Variants in ZFYVE28 observed in about 807,000 individuals in gnomAD.
The protein encoded by ZFYVE28 is zinc finger FYVE-type containing 28.
A neutral mutation model predicts 82.1 loss-of-function variants in ZFYVE28; 40 were observed. The ratio of observed to expected loss-of-function variants is 0.49; its 90% CI spans 0.38 to 0.63. The LOEUF is 0.63. Ranked by LOEUF, ZFYVE28 falls within the 30% of genes least tolerant of loss-of-function variation. The probability of loss-of-function intolerance (pLI) is 0.00; values close to 1 mark genes in which losing one functional copy is unlikely to be tolerated. For missense variants in ZFYVE28, 1,321 were observed against 1,242.1 expected, an observed-to-expected ratio of 1.06 and a Z score of -0.96; for synonymous variants, 612 against 546.1, an observed-to-expected ratio of 1.12 and a Z score of -1.68.
Position 2,300,563 on chromosome 4 carries a change from C to G in ZFYVE28, c.2051+3726G>C, listed in dbSNP as rs532468247. Among the ~76,000 whole-genome samples, 51 of 152,134 alleles carry G rather than the reference C, an allele frequency of 3.4e-4. No individual in the cohort carries two copies. Among genetic ancestry groups the G allele is most frequent in the Admixed American group, 3.2e-3 (49 of 15,278 alleles). On this transcript the variant is annotated intron_variant, in intron 8 of 12. Coordinates refer to ENST00000290974, the MANE Select transcript of ZFYVE28 (RefSeq NM_020972.3). This position sits in a 1 kb window ranked among gnomAD's most constrained non-coding sequence, Gnocchi z 4.6. ...GGGCTCCTCCTGGCTGGGACCCTCACGCCAGGACTCCAGTGGGCCATGTGC... is the reference window on the plus strand; with the variant it reads ...GGGCTCCTCCTGGCTGGGACCCTCAGGCCAGGACTCCAGTGGGCCATGTGC...
Position 2,318,301 on chromosome 4 carries a change from T to C in ZFYVE28, c.803+1869A>G, listed in dbSNP as rs550412223. Among the ~76,000 whole-genome samples, 730 of 152,298 alleles carry C rather than the reference T, an allele frequency of 4.8e-3. 12 individuals are homozygous for C. The highest frequency in any genetic ancestry group is 0.016 in the African/African-American group (685 of 41,576). On this transcript the variant is annotated intron_variant, in intron 7 of 12. Transcript: ENST00000290974. Reference sequence around the variant, plus strand: ...GGCTGGTCGCAGTGGCTCACGCCTGTAATCCCAGCACTTTGGGAGGCCGAG... The same window carrying C: ...GGCTGGTCGCAGTGGCTCACGCCTGCAATCCCAGCACTTTGGGAGGCCGAG...
intron 7 of ZFYVE28, among the ~76,000 whole-genome samples, chr4:2,310,041 T>C (rs192164248): frequency 6.7e-6 from 1 of 149,806 alleles, no homozygotes; most frequent in African/African-American, 2.4e-5. Context: ...AATACATTTC[T>C]TTTTTTTTTA....
chr4:2,371,154 G>C lies in ZFYVE28; in HGVS notation c.40-17081C>G, dbSNP rs967529509. Among the ~76,000 whole-genome samples, 11 of 152,188 alleles carry C rather than the reference G, an allele frequency of 7.2e-5. 1 individual carries two copies. Among genetic ancestry groups the C allele is most frequent in the Admixed American group, 2.0e-4 (3 of 15,280 alleles). ...GGGAGCTCACGTGGGGGCTGAGTGG[G>C]GAAGCAAGCAGACAGGGGATGGGGT... On this transcript the variant is annotated intron_variant, in intron 1 of 12. Coordinates refer to ENST00000290974, the MANE Select transcript of ZFYVE28 (RefSeq NM_020972.3).
chr4:2,278,900 C>T (rs1012487754), intron 8 of ZFYVE28, among the ~76,000 whole-genome samples: 1 of 150,908 alleles, frequency 6.6e-6, no homozygotes, highest in Non-Finnish European at 1.5e-5. Context: ...AATTAAATAC[C>T]ATTTTATCTA....
intron 1 of ZFYVE28, among the ~76,000 whole-genome samples, chr4:2,360,212 C>G (rs1725931101): frequency 6.6e-6 from 1 of 151,858 alleles, no homozygotes; most frequent in African/African-American, 2.4e-5. Flanking sequence ...CCACGAGGAA[C>G]AACACTCACC....
intron 1 of ZFYVE28, among the ~76,000 whole-genome samples, chr4:2,405,552 C>A (rs1731789908): frequency 6.6e-6 from 1 of 152,238 alleles, no homozygotes. Flanking sequence ...TAACCTTGAG[C>A]AGGCCCAGGC....
intron 1 of ZFYVE28, among the ~76,000 whole-genome samples, chr4:2,398,386 C>T (rs936522147): frequency 1.4e-4 from 22 of 152,284 alleles, no homozygotes; most frequent in African/African-American, 3.4e-4. Context: ...CCAGGAGCTA[C>T]GGAGTGGCAG....
intron 1 of ZFYVE28, among the ~76,000 whole-genome samples, chr4:2,363,307 C>T (rs1007071551): frequency 6.6e-6 from 1 of 152,124 alleles, no homozygotes; most frequent in Admixed American, 6.5e-5. Flanking sequence ...GCTGGTAGAA[C>T]GTGCTGAGGA....
chr4:2,395,349 T>A (rs964478953), intron 1 of ZFYVE28, among the ~76,000 whole-genome samples: 2 of 152,246 alleles, frequency 1.3e-5, no homozygotes, highest in Non-Finnish European at 2.9e-5. Flanking sequence ...CTGTTTCTCA[T>A]CCAAGAGCAG....
At chr4:2,413,782 G>C (rs947958540) in intron 1 of ZFYVE28, among the ~76,000 whole-genome samples, 3 of 152,224 alleles carry the variant, frequency 2.0e-5, no homozygotes, top group African/African-American at 7.2e-5. Flanking sequence ...TGTAGGGACA[G>C]CCATTCGTTT....
At chr4:2,301,006 C>G (rs1037445758) in intron 8 of ZFYVE28, among the ~76,000 whole-genome samples, 1 of 152,316 alleles carries the variant, frequency 6.6e-6, no homozygotes, top group East Asian at 1.9e-4. Context: ...TGCACACGAC[C>G]GGCCTCGCAC....
intron 1 of ZFYVE28, among the ~76,000 whole-genome samples, chr4:2,371,008 G>A (rs938151494): frequency 3.7e-4 from 56 of 152,256 alleles, no homozygotes; most frequent in East Asian, 1.2e-3. Context: ...TGGGGTGAAC[G>A]TGGACGCAGC....
Position 2,332,858 on chromosome 4 carries a change from C to A in ZFYVE28, c.701+2847G>T, listed in dbSNP as rs1188012156. ...GCTGCACAGAGGGTTGCAGTGGCAG[C>A]CTGGTGCACCCCACGGTTCCTCGTA... On this transcript the variant is annotated intron_variant, in intron 6 of 12. Coordinates refer to ENST00000290974, the MANE Select transcript of ZFYVE28 (RefSeq NM_020972.3). This position sits in a 1 kb window ranked among gnomAD's most constrained non-coding sequence, Gnocchi z 4.7. 6.6e-6 allele frequency among the ~76,000 whole-genome samples: 1 copy of A among 152,134 alleles called. No homozygotes were observed. The highest frequency in any genetic ancestry group is 6.5e-5 in the Admixed American group (1 of 15,282).
chr4:2,379,867 G>A (rs10018490), intron 1 of ZFYVE28, among the ~76,000 whole-genome samples: 18,663 of 151,708 alleles, frequency 0.12, 1,156 homozygotes, highest in South Asian at 0.13. Flanking sequence ...AGCTCACTGC[G>A]GCTTCCATCT....
chr4:2,398,797 T>TAG lies in ZFYVE28; in HGVS notation c.39+19487_39+19488insCT, dbSNP rs1730786978. 0.017 allele frequency among the ~76,000 whole-genome samples: 13 copies of TAG among 764 alleles called. 1 individual carries two copies. In the African/African-American group the frequency reaches 0.22, roughly 13 times the overall value. The allele number at this position is 764 out of a possible 152,430, so 0.5% of individuals were successfully genotyped here. A position where few individuals can be genotyped will look rare whatever the true frequency, so the allele number is the denominator to read the frequency against. On this transcript the variant is annotated intron_variant, in intron 1 of 12. Coordinates refer to ENST00000290974, the MANE Select transcript of ZFYVE28 (RefSeq NM_020972.3). ...GCAGGGGCAAGATCCAGGGCACAAG[T>TAG]GTGGAGCTGAGATCCAGGGCACAAG...
chr4:2,279,705 C>T (rs189378805), intron 8 of ZFYVE28, among the ~76,000 whole-genome samples: 6,097 of 151,386 alleles, frequency 0.04, 286 homozygotes, highest in African/African-American at 0.11. Flanking sequence ...GGCGTGAACC[C>T]GGGAGGCGGA....
intron 1 of ZFYVE28, among the ~76,000 whole-genome samples, chr4:2,413,315 C>T (rs777379699): frequency 1.3e-5 from 2 of 152,382 alleles, no homozygotes; most frequent in South Asian, 4.1e-4. Flanking sequence ...ACTGCACTCC[C>T]GCTGACCACA....
rs145393682 is a variant in ZFYVE28 at position 2,320,250 on chromosome 4, G to A, written c.723C>T (p.Asp241=). Residue 241 remains aspartate (D), a synonymous_variant, in exon 7 of 13, where the codon GAC becomes GAT. Transcript: ENST00000290974. This position sits in a 1 kb window ranked among gnomAD's most constrained non-coding sequence, Gnocchi z 5.1. ...AIVCGLVVYA[D]GPLNLDRKVE... ...CCTTGCGGTCCAAGTTCAGAGGTCC[G>A]TCCGCATAGACCACGAGGCCACTGC... is the stretch of plus-strand genomic sequence containing the variant. The A allele has an allele frequency of 7.8e-5, 126 of 1,613,664 alleles. 1 individual carries two copies. In the African/African-American group the frequency reaches 1.0e-3, roughly 13 times the overall value.
At chr4:2,391,376 G>A (rs894745562) in intron 1 of ZFYVE28, among the ~76,000 whole-genome samples, 34 of 149,314 alleles carry the variant, frequency 2.3e-4, no homozygotes, top group African/African-American at 7.4e-4. Flanking sequence ...GTTCCCATAC[G>A]TTTACCTCTA....
Sources: allele counts gnomAD v4.1 joint callset (sites outside exome capture counted in the v4.1 genomes callset), GRCh38; gene constraint gnomAD v4.1.1; non-coding constraint Gnocchi (gnomAD v3.1); transcripts MANE v1.5; gene names NCBI Gene and HGNC (gene_info 2026-07-23, HGNC 2026-07-21).